The following USP24 variants were observed in gnomAD, a reference collection of about 807,000 sequenced individuals.
USP24 encodes ubiquitin specific peptidase 24, also known as ubiquitin carboxyl-terminal hydrolase 24.
In USP24, 97 loss-of-function variants were observed where a neutral mutation model predicts 361.6. The observed-to-expected ratio is 0.27, with a 90% CI of 0.23 to 0.32. The LOEUF is 0.32. Ranked by LOEUF, USP24 falls within the 10% of genes least tolerant of loss-of-function variation. The pLI is 1.00. For missense variants in USP24, 2,353 were observed against 3,165.6 expected (o/e 0.74, Z 6.16); for synonymous variants, 1,098 against 1,124.6 (o/e 0.98, Z 0.47).
chr1:55,072,074 C>A, intron 66 of USP24, 150 bp from the exon 67 acceptor site: 2 of 778,528 alleles, frequency 2.6e-6, no homozygotes, highest in South Asian at 3.3e-5. Context: ...CCCCCTCAAC[C>A]CCTGTCCCTT....
At position 55,121,498 on chromosome 1, in the gene USP24, A is replaced by G; in HGVS notation, c.4285T>C (p.Tyr1429His). 1 of 1,613,548 alleles carries G rather than the reference A, an allele frequency of 6.2e-7. No individual in the cohort carries two copies. Among genetic ancestry groups the G allele is most frequent in the Non-Finnish European group, 8.5e-7 (1 of 1,179,676 alleles). ...AAATCAGCAACACAGGGCAAGTTAT[A>G]GAAAGATGCTAATAAGAAGAAATGG... is the stretch of plus-strand genomic sequence containing the variant. ...QLRSQQLASF[Y>H]NLPCVADFII... Residue 1429 changes from tyrosine (Y) to histidine (H), a missense_variant, in exon 37 of 68, where the codon TAT becomes CAT. This residue lies in a region of USP24 where 949 missense variants were observed against 1,280.5 expected (regional missense o/e 0.74). Transcript: ENST00000294383.
At chr1:55,137,726 G>T in intron 27 of USP24, 38 bp from the exon 28 acceptor site, 1 of 1,590,738 alleles carries the variant, frequency 6.3e-7, no homozygotes, top group South Asian at 1.1e-5. Context: ...AGAGGAAAAG[G>T]AAGAGGAAAT....
At position 55,171,615 on chromosome 1, in the gene USP24, C is replaced by A. The variant is rs753541945; in HGVS notation, c.766G>T (p.Ala256Ser). 1.2e-6 allele frequency: 2 copies of A among 1,610,466 alleles called. No homozygotes were observed. Among genetic ancestry groups the A allele is most frequent in the Non-Finnish European group, 1.7e-6 (2 of 1,178,140 alleles). Residue 256 changes from alanine (A) to serine (S), a missense_variant, in exon 5 of 68, where the codon GCA becomes TCA. By Grantham distance (99) the Ala-to-Ser change is moderately conservative. Around this residue, in one of 8 missense-constraint regions of USP24, gnomAD observed 386 missense variants for 560.5 expected, o/e 0.69. Transcript: ENST00000294383. ...ATATTTCCCTCTCCAAACACTTCTG[C>A]CCAATTCCTTTGAGACACTTTCATT... Reference protein sequence around the residue: ...NRMKVSQRNWAEVFGEGNMFA... With the variant: ...NRMKVSQRNWSEVFGEGNMFA...
chr1:55,162,294 C>T (rs1648370546), intron 7 of USP24, 30 bp from the exon 8 acceptor site: 2 of 1,504,698 alleles, frequency 1.3e-6, no homozygotes, highest in Non-Finnish European at 1.8e-6. Context: ...ATTAAAAATA[C>T]ATTTGAGAGG....
chr1:55,211,671 C>G (rs1644849719), intron 1 of USP24, among the ~76,000 whole-genome samples: 1 of 152,186 alleles, frequency 6.6e-6, no homozygotes, highest in Admixed American at 6.5e-5. Context: ...TGGACTAAGA[C>G]CCACTAGAAT....
chr1:55,152,650 T>C (rs1388526424), intron 16 of USP24, among the ~76,000 whole-genome samples: 1 of 152,192 alleles, frequency 6.6e-6, no homozygotes, highest in Non-Finnish European at 1.5e-5. Context: ...ACTGGAAAAA[T>C]TCAAATTGTA....
chr1:55,200,486 T>G (rs886240937), intron 1 of USP24, among the ~76,000 whole-genome samples: 4 of 152,200 alleles, frequency 2.6e-5, no homozygotes, highest in Non-Finnish European at 4.4e-5. Flanking sequence ...AACAAATAGT[T>G]ACCATACTAC....
chr1:55,196,525 TAG>T (rs1644423590), intron 1 of USP24, among the ~76,000 whole-genome samples: 1 of 152,176 alleles, frequency 6.6e-6, no homozygotes, highest in Admixed American at 6.5e-5. Flanking sequence ...GCCCCCCCAA[TAG>T]AGTTATATTA....
At chr1:55,161,370 T>TG (rs1199068964) in intron 8 of USP24, among the ~76,000 whole-genome samples, 10 of 146,366 alleles carry the variant, frequency 6.8e-5, no homozygotes, top group Middle Eastern at 3.5e-3. Flanking sequence ...AGACTCTGTC[T>TG]GGAAAAAAAA....
At chr1:55,082,819 A>G (rs533270109) in intron 58 of USP24, among the ~76,000 whole-genome samples, 34 of 152,272 alleles carry the variant, frequency 2.2e-4, no homozygotes. Context: ...ACAAACAAAA[A>G]AACCCAAACA....
intron 10 of USP24, 62 bp from the exon 11 acceptor site, chr1:55,157,432 G>A: frequency 1.1e-6 from 1 of 936,216 alleles, no homozygotes; most frequent in Non-Finnish European, 1.6e-6. Flanking sequence ...TATATAGATA[G>A]ATAGATAATT....
At chr1:55,089,392 A>G (rs1645325328) in intron 55 of USP24, among the ~76,000 whole-genome samples, 1 of 152,162 alleles carries the variant, frequency 6.6e-6, no homozygotes, top group Admixed American at 6.5e-5. Context: ...CGTGCCTATG[A>G]GTACCTGGCA....
intron 38 of USP24, among the ~76,000 whole-genome samples, chr1:55,113,512 C>T (rs1646015301): frequency 6.6e-6 from 1 of 152,146 alleles, no homozygotes; most frequent in African/African-American, 2.4e-5. Flanking sequence ...AAAAGAGGGA[C>T]ACCTCCCTAA....
At chr1:55,110,480 C>G (rs1295309959) in intron 38 of USP24, among the ~76,000 whole-genome samples, 3 of 152,144 alleles carry the variant, frequency 2.0e-5, no homozygotes, top group Non-Finnish European at 4.4e-5. Context: ...TCTATCACAT[C>G]TTAAAATAAT....
chr1:55,069,010 T>TG lies in USP24; in HGVS notation c.*34dup. The TG allele has an allele frequency of 6.2e-7, 1 of 1,610,232 alleles. No homozygotes were observed. Among genetic ancestry groups the TG allele is most frequent in the East Asian group, 2.2e-5 (1 of 44,876 alleles). ...CAAGAAGGTGCTGAGCATCCAGTAT[T>TG]GTGTCTTGACTCCTCTCAGGCTGGG... On this transcript the variant is annotated 3_prime_UTR_variant, in exon 68 of 68. Coordinates refer to ENST00000294383, the MANE Select transcript of USP24 (RefSeq NM_015306.3).
Position 55,086,041 on chromosome 1 carries a change from G to A in USP24, c.6669-3C>T, listed in dbSNP as rs747833952. On this transcript the variant is annotated splice_region_variant and splice_polypyrimidine_tract_variant and intron_variant, in intron 55 of 67. Coordinates refer to ENST00000294383, the MANE Select transcript of USP24 (RefSeq NM_015306.3). ...CATTGCACTCCAGTAAGAAAATCCT[G>A]AAAGAAAGAGAAAGGTGGTGTGAAA... 1.2e-6 allele frequency: 2 copies of A among 1,613,464 alleles called. No individual in the cohort carries two copies. Among genetic ancestry groups the A allele is most frequent in the East Asian group, 4.5e-5 (2 of 44,880 alleles).
In USP24 at chr1:55,104,028, CAA is replaced by C. The variant is rs760124940; in HGVS notation, c.4881-10_4881-9del. The C allele has an allele frequency of 8.2e-6, 13 of 1,593,738 alleles. No homozygotes were observed. Among genetic ancestry groups the C allele is most frequent in the African/African-American group, 1.3e-5 (1 of 74,286 alleles). ...CTATTCGCTGTACTACACCTAGAAA[CAA>C]AAGACACAAGTCAATTTCAACAATG... On this transcript the variant is annotated splice_polypyrimidine_tract_variant and intron_variant, in intron 41 of 67. Coordinates refer to ENST00000294383, the MANE Select transcript of USP24 (RefSeq NM_015306.3).
intron 61 of USP24, 24 bp from the exon 62 acceptor site, chr1:55,077,324 A>C: frequency 6.5e-7 from 1 of 1,539,820 alleles, no homozygotes. Flanking sequence ...TAAAAGCATA[A>C]AAACTTCAGT....
chr1:55,185,169 T>C (rs1436417731), intron 1 of USP24, among the ~76,000 whole-genome samples: 1 of 151,982 alleles, frequency 6.6e-6, no homozygotes. Flanking sequence ...CTCAGGCTGA[T>C]CTCGAACTCC....
Sources: gnomAD v4.1 joint callset for allele counts (sites outside exome capture counted in the v4.1 genomes callset) on GRCh38, gnomAD v4.1.1 for gene constraint, gnomAD v4.1.1 regional missense constraint, MANE v1.5 for transcripts, NCBI Gene and HGNC (gene_info 2026-07-23, HGNC 2026-07-21) for gene names.